The following MSI2 variants were observed in gnomAD, a reference collection of about 807,000 sequenced individuals.
MSI2 encodes the protein RNA-binding protein Musashi homolog 2.
In MSI2, 17 loss-of-function variants were observed where a neutral mutation model predicts 45.6. The observed-to-expected ratio is 0.37, with a 90% confidence interval of 0.26 to 0.56. The LOEUF (loss-of-function observed/expected upper bound fraction) is 0.56, where lower values mean the gene tolerates loss of function less well. MSI2 is among the 20% of genes least tolerant of loss of function. MSI2 has a pLI of 0.77. For missense variants in MSI2, 293 were observed against 444.2 expected (o/e 0.66, Z 3.06); for synonymous variants, 156 against 158.2 (o/e 0.99, Z 0.11).
At chr17:57,418,426 A>G (rs1024458747) in intron 6 of MSI2, among the ~76,000 whole-genome samples, 2 of 152,230 alleles carry the variant, frequency 1.3e-5, no homozygotes, top group Non-Finnish European at 2.9e-5. Flanking sequence ...ATTTGGAAAA[A>G]TCTTTTGGAG....
intron 5 of MSI2, among the ~76,000 whole-genome samples, chr17:57,302,916 C>T (rs1221435480): frequency 6.6e-6 from 1 of 152,138 alleles, no homozygotes; most frequent in African/African-American, 2.4e-5. Context: ...AGGCAAACAT[C>T]AACACCTAAG....
chr17:57,262,660 G>A (rs770475627), intron 5 of MSI2, among the ~76,000 whole-genome samples: 4 of 152,174 alleles, frequency 2.6e-5, no homozygotes, highest in Non-Finnish European at 5.9e-5. Flanking sequence ...ATCTGGGAGG[G>A]CAAGCAGTGG....
intron 8 of MSI2, among the ~76,000 whole-genome samples, chr17:57,608,584 G>A (rs1453427699): frequency 1.3e-5 from 2 of 152,236 alleles, no homozygotes; most frequent in East Asian, 1.9e-4. Context: ...CTGAGCCGTC[G>A]CTTGGCCCTG....
intron 5 of MSI2, among the ~76,000 whole-genome samples, chr17:57,362,034 T>TGAG (rs1489746775): frequency 2.6e-5 from 4 of 152,190 alleles, no homozygotes; most frequent in African/African-American, 9.7e-5. Context: ...ATCTCTGGGA[T>TGAG]TGGGATAATT....
intron 6 of MSI2, chr17:57,449,614 A>T (rs559366842): frequency 6.6e-6 from 1 of 152,218 alleles, no homozygotes; most frequent in African/African-American, 2.4e-5. Flanking sequence ...AGTAAATTTT[A>T]GTTCACTTAC....
chr17:57,467,331 G>T (rs562517789), intron 6 of MSI2, among the ~76,000 whole-genome samples: 8 of 152,088 alleles, frequency 5.3e-5, no homozygotes, highest in Non-Finnish European at 1.2e-4. Flanking sequence ...TGGATGGATG[G>T]AAAAAAGGAA....
At chr17:57,446,740 C>T (rs2084907169) in intron 6 of MSI2, among the ~76,000 whole-genome samples, 1 of 152,168 alleles carries the variant, frequency 6.6e-6, no homozygotes, top group African/African-American at 2.4e-5. Flanking sequence ...AAAGCAGGGG[C>T]TCTGAAGGAT....
At chr17:57,482,231 G>A (rs2085661605) in intron 6 of MSI2, among the ~76,000 whole-genome samples, 1 of 152,326 alleles carries the variant, frequency 6.6e-6, no homozygotes. Context: ...GTTTAAGAAG[G>A]CATTAAGAAT....
intron 7 of MSI2, among the ~76,000 whole-genome samples, chr17:57,575,984 G>A (rs1238991401): frequency 6.6e-6 from 1 of 151,126 alleles, no homozygotes; most frequent in Non-Finnish European, 1.5e-5. Flanking sequence ...GGAAAAGGAG[G>A]CTCTGGTGGA....
intron 10 of MSI2, among the ~76,000 whole-genome samples, chr17:57,648,801 T>A (rs549736545): frequency 6.6e-6 from 1 of 152,210 alleles, no homozygotes; most frequent in East Asian, 1.9e-4. Flanking sequence ...GGCAGTCCCC[T>A]CCTTGATAAC....
intron 10 of MSI2, among the ~76,000 whole-genome samples, chr17:57,649,194 A>T (rs1481655254): frequency 6.6e-6 from 1 of 152,156 alleles, no homozygotes; most frequent in Non-Finnish European, 1.5e-5. Context: ...TGTACACAAT[A>T]CGTACACTCA....
At chr17:57,597,773 G>T (rs1486115969) in intron 8 of MSI2, among the ~76,000 whole-genome samples, 2 of 152,192 alleles carry the variant, frequency 1.3e-5, no homozygotes, top group African/African-American at 4.8e-5. Flanking sequence ...CTTTTGAGAG[G>T]TATATCCTAG....
intron 5 of MSI2, among the ~76,000 whole-genome samples, chr17:57,339,552 G>A (rs1914958327): frequency 6.6e-6 from 1 of 152,156 alleles, no homozygotes; most frequent in Non-Finnish European, 1.5e-5. Flanking sequence ...TGGTCTGTGT[G>A]CAAGGGGTTG....
At chr17:57,401,507 A>G (rs778734137) in intron 6 of MSI2, 36 bp downstream of exon 6, 2 of 1,548,276 alleles carry the variant, frequency 1.3e-6, no homozygotes, top group Non-Finnish European at 1.8e-6. Flanking sequence ...CACATGCCAG[A>G]AGTAGCCTCA....
At position 57,475,804 on chromosome 17, in the gene MSI2, T is replaced by TACAC. The variant is rs56753762; in HGVS notation, c.406-53857_406-53854dup. ...GTGTATGTGTGGATGCATGCTTGTGTACACACACACACACACACGAAAAGA... is the reference window on the plus strand; with the variant it reads ...GTGTATGTGTGGATGCATGCTTGTGTACACACACACACACACACACACGAAAAGA... On this transcript the variant is annotated intron_variant, in intron 6 of 13. Transcript: ENST00000284073. Among the ~76,000 whole-genome samples the TACAC allele has an allele frequency of 3.0e-3, 457 of 150,320 alleles. 2 individuals carry two copies. In the East Asian group the frequency reaches 0.037, roughly 12 times the overall value.
At chr17:57,425,880 TA>T (rs1437446440) in intron 6 of MSI2, among the ~76,000 whole-genome samples, 72 of 152,366 alleles carry the variant, frequency 4.7e-4, no homozygotes, top group African/African-American at 1.7e-3. Context: ...TAAGGCAGCA[TA>T]AGAGTGAGCT....
intron 7 of MSI2, among the ~76,000 whole-genome samples, chr17:57,575,944 C>CAAAAAAAAAAA (rs34036311): frequency 3.1e-5 from 2 of 64,432 alleles, no homozygotes; most frequent in Non-Finnish European, 6.7e-5. Context: ...GACTCCGTCT[C>CAAAAAAAAAAA]AAAAAAAAAA....
chr17:57,632,462 G>C, intron 10 of MSI2: 1 of 1,066,100 alleles, frequency 9.4e-7, no homozygotes, highest in Non-Finnish European at 1.1e-6. Flanking sequence ...AGTCATCCAG[G>C]TGCTGCCACA....
chr17:57,504,897 C>T (rs1207803842), intron 6 of MSI2, among the ~76,000 whole-genome samples: 3 of 150,334 alleles, frequency 2.0e-5, no homozygotes, highest in Non-Finnish European at 3.0e-5. Context: ...CACCATTGCA[C>T]TCCAGCCTGG....
Sources: gnomAD v4.1 joint callset for allele counts (sites outside exome capture counted in the v4.1 genomes callset) on GRCh38, gnomAD v4.1.1 for gene constraint, MANE v1.5 for transcripts, NCBI Gene and HGNC (gene_info 2026-07-23, HGNC 2026-07-21) for gene names.